The following CCDC152 variants were observed in gnomAD, a reference collection of about 807,000 sequenced individuals.
CCDC152 encodes the protein coiled-coil domain containing 152, also known as coiled-coil domain-containing protein 152.
A neutral mutation model predicts 38.1 loss-of-function variants in CCDC152; 37 were observed. That is an observed-to-expected ratio of 0.97 (90% confidence interval 0.75 to 1.28). The LOEUF is 1.28. Among genes scored for constraint, CCDC152 ranks in the 50% most tolerant of loss-of-function variants. CCDC152 has a pLI of 0.00. For synonymous variants in CCDC152, 83 were observed against 87.1 expected (o/e 0.95, Z 0.26); for missense variants, 259 against 292.1 (o/e 0.89, Z 0.83).
At position 42,800,345 on chromosome 5, in the gene CCDC152, A is replaced by G; in HGVS notation, c.*564A>G. On this transcript the variant is annotated 3_prime_UTR_variant, in exon 9 of 9. Coordinates refer to ENST00000361970, the MANE Select transcript of CCDC152 (RefSeq NM_001134848.2). ...CAAAGTAATATTGTTTTGAGAGATA[A>G]GTAAAGAAAAAAATGGAAAGCATGT... 1 of 165,682 alleles carries G rather than the reference A, an allele frequency of 6.0e-6. No individual in the cohort carries two copies. The highest frequency in any genetic ancestry group is 1.3e-5 in the Non-Finnish European group (1 of 77,294). The allele number at this position is 165,682 out of a possible 1,614,324, so 10.3% of individuals were successfully genotyped here.
chr5:42,784,176 C>G lies in CCDC152; in HGVS notation c.430+600C>G, dbSNP rs1759887427. On this transcript the variant is annotated intron_variant, in intron 6 of 8. Transcript: ENST00000361970. ...ATTTGAGAAATCTTTGTAATGTTTT[C>G]CATAGGGGTGAAACTAATTTACATT... 2.0e-5 allele frequency among the ~76,000 whole-genome samples: 3 copies of G among 152,076 alleles called. No individual in the cohort carries two copies. The South Asian group carries it at 6.2e-4, about 32-fold the overall frequency.
chr5:42,799,287 T>C, intron 7 of CCDC152, 88 bp from the exon 8 acceptor site: 1 of 664,624 alleles, frequency 1.5e-6, no homozygotes. Context: ...ACAGATTACA[T>C]GTCAAAGGAT....
At chr5:42,770,880 T>G (rs1379558478) in intron 4 of CCDC152, among the ~76,000 whole-genome samples, 1 of 152,202 alleles carries the variant, frequency 6.6e-6, no homozygotes, top group Non-Finnish European at 1.5e-5. Flanking sequence ...TAAGTATTTT[T>G]ATTGCCATTA....
At chr5:42,785,193 T>C (rs1759902107) in intron 6 of CCDC152, among the ~76,000 whole-genome samples, 1 of 152,184 alleles carries the variant, frequency 6.6e-6, no homozygotes. Context: ...TTGGGTAGTA[T>C]AGTCATTTTG....
intron 5 of CCDC152, among the ~76,000 whole-genome samples, chr5:42,781,503 T>A (rs1459063580): frequency 6.6e-6 from 1 of 151,702 alleles, no homozygotes; most frequent in East Asian, 1.9e-4. Flanking sequence ...CTCAGTACCA[T>A]GAAATATCTA....
intron 6 of CCDC152, among the ~76,000 whole-genome samples, chr5:42,784,288 G>T (rs1389742664): frequency 6.6e-6 from 1 of 151,816 alleles, no homozygotes; most frequent in African/African-American, 2.4e-5. Context: ...TACTCATTTT[G>T]ACTATTAGTC....
chr5:42,801,008 G>C lies in CCDC152; in HGVS notation c.*1227G>C, dbSNP rs768946473. On this transcript the variant is annotated 3_prime_UTR_variant, in exon 9 of 9. Coordinates refer to ENST00000361970, the MANE Select transcript of CCDC152 (RefSeq NM_001134848.2). ...ACTCTGAATCTGTGGGCAATTTACAGAGTAATTGATTTATACATCTCTTTC... is the reference window on the plus strand; with the variant it reads ...ACTCTGAATCTGTGGGCAATTTACACAGTAATTGATTTATACATCTCTTTC... 1.4e-5 allele frequency: 23 copies of C among 1,614,054 alleles called. No homozygotes were observed. The South Asian group carries it at 2.3e-4, about 16-fold the overall frequency.
intron 3 of CCDC152, among the ~76,000 whole-genome samples, chr5:42,764,813 T>A (rs1399320861): frequency 2.0e-5 from 3 of 152,162 alleles, no homozygotes; most frequent in Non-Finnish European, 4.4e-5. Context: ...CCAAAGCTAG[T>A]ACCATACTGA....
chr5:42,792,852 G>A (rs1030965580), intron 6 of CCDC152, among the ~76,000 whole-genome samples: 1 of 152,174 alleles, frequency 6.6e-6, no homozygotes, highest in East Asian at 1.9e-4. Flanking sequence ...GAGTGCAGGA[G>A]CTGGGGCAAG....
chr5:42,771,427 G>A (rs1364660350), intron 4 of CCDC152, among the ~76,000 whole-genome samples: 1 of 151,592 alleles, frequency 6.6e-6, no homozygotes, highest in Non-Finnish European at 1.5e-5. Context: ...GAAGATTATA[G>A]GATAAATCAA....
rs1445229869 is a variant in CCDC152, at chr5:42,760,390, ATC to A, written c.87+1184_87+1185del. Reference sequence around the variant, plus strand: ...AACATTGAAGTAAATGCATATTTCAATCTGTTATTATAACTACTCATTTTTTA... The same window carrying A: ...AACATTGAAGTAAATGCATATTTCAATGTTATTATAACTACTCATTTTTTA... On this transcript the variant is annotated intron_variant, in intron 2 of 8. Transcript: ENST00000361970. Among the ~76,000 whole-genome samples, 5 of 151,932 alleles carry A rather than the reference ATC, an allele frequency of 3.3e-5. No homozygotes were observed. The South Asian group carries it at 1.0e-3, about 32-fold the overall frequency.
At position 42,799,876 on chromosome 5, in the gene CCDC152, G is replaced by C; in HGVS notation, c.*95G>C. 4.5e-6 allele frequency: 6 copies of C among 1,327,768 alleles called. No homozygotes were observed. The highest frequency in any genetic ancestry group is 6.2e-6 in the Non-Finnish European group (6 of 966,048). 82.2% of individuals were successfully genotyped at this position (1,327,768 alleles called of 1,614,324 possible). On this transcript the variant is annotated 3_prime_UTR_variant, in exon 9 of 9. Coordinates refer to ENST00000361970, the MANE Select transcript of CCDC152 (RefSeq NM_001134848.2). Reference sequence around the variant, plus strand: ...TATGCATACAGCCTACATAACAAACGAAGTCAGCTTTAAGGTTTTTATTGA... The same window carrying C: ...TATGCATACAGCCTACATAACAAACCAAGTCAGCTTTAAGGTTTTTATTGA...
chr5:42,757,473 T>C (rs991801340), intron 1 of CCDC152, among the ~76,000 whole-genome samples: 1 of 151,970 alleles, frequency 6.6e-6, no homozygotes, highest in Non-Finnish European at 1.5e-5. Context: ...AAGAAGGAAA[T>C]GGGACTTTCA....
At chr5:42,795,589 A>G (rs888260362) in intron 6 of CCDC152, among the ~76,000 whole-genome samples, 3 of 152,234 alleles carry the variant, frequency 2.0e-5, no homozygotes, top group Non-Finnish European at 2.9e-5. Context: ...TCAAGTATGC[A>G]TGGAACATTT....
At chr5:42,794,197 A>G (rs1760043871) in intron 6 of CCDC152, among the ~76,000 whole-genome samples, 1 of 152,198 alleles carries the variant, frequency 6.6e-6, no homozygotes, top group South Asian at 2.1e-4. Flanking sequence ...TGTTGGGCCT[A>G]AAGTTGCTGC....
rs1020410825 is a variant in CCDC152, at chr5:42,802,109, A to G, written c.*2328A>G. 2.0e-5 allele frequency: 3 copies of G among 152,164 alleles called. No individual in the cohort carries two copies. The highest frequency in any genetic ancestry group is 2.9e-5 in the Non-Finnish European group (2 of 68,030). 9.4% of individuals were successfully genotyped at this position (152,164 alleles called of 1,614,324 possible). A position where few individuals can be genotyped will look rare whatever the true frequency, so the allele number is the denominator to read the frequency against. ...CATCCTATGCCAGGAAATGTTTTGA[A>G]CTTCACCAAAGCTTTGCTAATGTCT... On this transcript the variant is annotated 3_prime_UTR_variant, in exon 9 of 9. Coordinates refer to ENST00000361970, the MANE Select transcript of CCDC152 (RefSeq NM_001134848.2).
At position 42,780,151 on chromosome 5, in the gene CCDC152, G is replaced by A. The variant is rs114717091; in HGVS notation, c.327+629G>A. 9.1e-3 allele frequency among the ~76,000 whole-genome samples: 1,391 copies of A among 152,230 alleles called. 21 individuals carry two copies. Among genetic ancestry groups the A allele is most frequent in the African/African-American group, 0.032 (1,328 of 41,542 alleles). On this transcript the variant is annotated intron_variant, in intron 5 of 8. Transcript: ENST00000361970. ...ATGCTAACTTCCTCATCTCTCAAGA[G>A]CTAATATGTCAAATTCTAGCAGACA... is the stretch of plus-strand genomic sequence containing the variant.
At chr5:42,769,492 C>T (rs1759669646) in intron 3 of CCDC152, 105 bp from the exon 4 acceptor site, 1 of 1,269,508 alleles carries the variant, frequency 7.9e-7, no homozygotes. Context: ...GCACACATCA[C>T]CATGCCTGGC....
At chr5:42,757,282 G>A (rs1759493382) in intron 1 of CCDC152, among the ~76,000 whole-genome samples, 1 of 152,150 alleles carries the variant, frequency 6.6e-6, no homozygotes, top group Non-Finnish European at 1.5e-5. Context: ...AATTCTTGAG[G>A]GGAGGTGAGG....
Sources: allele counts gnomAD v4.1 joint callset (sites outside exome capture counted in the v4.1 genomes callset), GRCh38; gene constraint gnomAD v4.1.1; transcripts MANE v1.5; gene names NCBI Gene and HGNC (gene_info 2026-07-23, HGNC 2026-07-21).